LRRK2: variants seen among roughly 807,000 people sequenced by gnomAD.
The protein encoded by LRRK2 is leucine-rich repeat serine/threonine-protein kinase 2.
A neutral mutation model predicts 302.6 loss-of-function variants in LRRK2; 203 were observed. That is an observed-to-expected ratio of 0.67 (90% CI 0.60 to 0.75). The LOEUF (loss-of-function observed/expected upper bound fraction) is 0.75. Among genes scored for constraint, LRRK2 ranks in the 30% least tolerant of loss-of-function variants. LRRK2 has a pLI of 0.00. For synonymous variants in LRRK2, 1,066 were observed against 1,031.9 expected (o/e 1.03, Z -0.63); for missense variants, 2,830 against 2,951.0 (o/e 0.96, Z 0.95).
chr12:40,240,273 A>G (rs911655936), intron 5 of LRRK2, among the ~76,000 whole-genome samples: 2 of 152,194 alleles, frequency 1.3e-5, no homozygotes, highest in Non-Finnish European at 2.9e-5. Context: ...AGTACCTAAC[A>G]TAGGCCGAAA....
intron 27 of LRRK2, 36 bp downstream of exon 27, chr12:40,304,170 A>G (rs201932350): frequency 6.3e-7 from 1 of 1,585,930 alleles, no homozygotes; most frequent in Admixed American, 1.7e-5. Context: ...AATATACTTT[A>G]TGATTTGCAT....
At chr12:40,308,954 A>C in intron 29 of LRRK2, 152 bp from the exon 30 acceptor site, 3 of 983,278 alleles carry the variant, frequency 3.1e-6, no homozygotes, top group Non-Finnish European at 4.5e-6. Context: ...CCTAGTAAAA[A>C]CCCAGAATAG....
intron 7 of LRRK2, 100 bp downstream of exon 7, chr12:40,243,781 A>T (rs1334164034): frequency 1.8e-6 from 2 of 1,121,584 alleles, no homozygotes; most frequent in African/African-American, 3.2e-5. Flanking sequence ...GCATATTGAC[A>T]TACTTTGAAT....
At position 40,289,745 on chromosome 12, in the gene LRRK2, T is replaced by C. The variant is rs569523968; in HGVS notation, c.2689+2206T>C. 2.0e-5 allele frequency among the ~76,000 whole-genome samples: 3 copies of C among 151,882 alleles called. No homozygotes were observed. In the South Asian group the frequency reaches 6.2e-4, roughly 31 times the overall value. On this transcript the variant is annotated intron_variant, in intron 20 of 50. Transcript: ENST00000298910. ...CTAATTTCCAGTAGTTCACTGTTGA[T>C]ATATAGAAACATAATTCATTTATTT... is the stretch of plus-strand genomic sequence containing the variant.
chr12:40,266,351 A>G (rs985187891), intron 14 of LRRK2, among the ~76,000 whole-genome samples: 20 of 152,272 alleles, frequency 1.3e-4, no homozygotes, highest in Non-Finnish European at 2.1e-4. Flanking sequence ...GGATATGAGC[A>G]GACACTTCTC....
Position 40,225,207 on chromosome 12 carries a change from G to A in LRRK2, c.76G>A (p.Val26Ile), listed in dbSNP as rs752119684. The A allele has an allele frequency of 2.5e-6, 4 of 1,614,104 alleles. No homozygotes were observed. The highest frequency in any genetic ancestry group is 1.3e-5 in the African/African-American group (1 of 74,948). Residue 26 changes from valine to isoleucine, a missense_variant, in exon 1 of 51, where the codon GTC (valine) becomes ATC (isoleucine). Val to Ile is a conservative substitution (Grantham distance 29, BLOSUM62 3). Transcript: ENST00000298910. ...GAAGTTGATAGTCAGGCTGAACAAT[G>A]TCCAGGAAGGAAAACAGATAGAAAC... ...LKKLIVRLNN[V>I]QEGKQIETLV... is the part of the protein sequence containing the mutation.
chr12:40,252,921 A>C lies in LRRK2; in HGVS notation c.1193A>C (p.His398Pro), dbSNP rs1483728068. ...TGAATTTTTGAAAGTTTCCCAGCTC[A>C]TAGGGAAGTGATGCTCTCCATGCTG... ...IGDEDGHFPA[H>P]REVMLSMLMH... The change falls in exon 11 of 51, where the codon CAT becomes CCT. Residue 398 changes from histidine (H) to proline (P), a missense_variant. By Grantham distance (77) the His-to-Pro change is moderately conservative (BLOSUM62 -2). Coordinates refer to ENST00000298910, the MANE Select transcript of LRRK2 (RefSeq NM_198578.4). 4 of 1,612,670 alleles carry C rather than the reference A, an allele frequency of 2.5e-6. No homozygotes were observed. Among genetic ancestry groups the C allele is most frequent in the Non-Finnish European group, 3.4e-6 (4 of 1,178,996 alleles).
chr12:40,247,490 GTA>G (rs1178763733), intron 7 of LRRK2, among the ~76,000 whole-genome samples: 2 of 141,250 alleles, frequency 1.4e-5, no homozygotes, highest in Non-Finnish European at 1.5e-5. Context: ...ATATAAATGT[GTA>G]TATATATTTA....
chr12:40,232,132 A>T (rs1592135404), intron 2 of LRRK2, 142 bp from the exon 3 acceptor site: 2 of 689,234 alleles, frequency 2.9e-6, no homozygotes, highest in Middle Eastern at 3.6e-4. Context: ...TAAGCATTTT[A>T]GGGTATCATT....
intron 3 of LRRK2, among the ~76,000 whole-genome samples, chr12:40,233,859 G>A (rs1941314042): frequency 1.3e-5 from 2 of 152,154 alleles, no homozygotes; most frequent in Non-Finnish European, 2.9e-5. Flanking sequence ...TGTTCATCCA[G>A]TCATTCATCT....
chr12:40,358,092 CTT>C (rs76454537), intron 46 of LRRK2, among the ~76,000 whole-genome samples: 1 of 145,948 alleles, frequency 6.9e-6, no homozygotes. Flanking sequence ...AAATGGAGTT[CTT>C]TTTTTTTTTT....
intron 24 of LRRK2, 104 bp downstream of exon 24, chr12:40,298,597 C>A: frequency 1.4e-6 from 2 of 1,423,808 alleles, no homozygotes; most frequent in African/African-American, 1.4e-5. Context: ...CATGGTGAAA[C>A]TCCATCTCTA....
Position 40,321,326 on chromosome 12 carries a change from A to C in LRRK2, c.5170+138A>C, listed in dbSNP as rs113346254. 79 of 838,930 alleles carry C rather than the reference A, an allele frequency of 9.4e-5. No individual in the cohort carries two copies. In the African/African-American group the frequency reaches 1.2e-3, roughly 12 times the overall value. The allele number at this position is 838,930 out of a possible 1,614,324, so 52.0% of individuals were successfully genotyped here. On this transcript the variant is annotated intron_variant, in intron 35 of 50. Coordinates refer to ENST00000298910, the MANE Select transcript of LRRK2 (RefSeq NM_198578.4). ...AGTTTACTTGTTTGGAAGGCAGCTG[A>C]AGAATTAGAAAATAAGCTCATAAAA... is the stretch of plus-strand genomic sequence containing the variant.
intron 6 of LRRK2, among the ~76,000 whole-genome samples, chr12:40,241,648 G>A (rs1257508434): frequency 2.0e-5 from 3 of 152,156 alleles, no homozygotes; most frequent in African/African-American, 7.2e-5. Flanking sequence ...TATGTAATAA[G>A]TGTTCTAAAA....
intron 35 of LRRK2, 130 bp from the exon 36 acceptor site, chr12:40,321,905 C>T: frequency 3.6e-6 from 3 of 826,872 alleles, no homozygotes; most frequent in Non-Finnish European, 5.9e-6. Context: ...GATGAGGACT[C>T]ATATCAGTAA....
chr12:40,340,521 T>G, intron 41 of LRRK2, 67 bp downstream of exon 41: 1 of 1,517,142 alleles, frequency 6.6e-7, no homozygotes, highest in Non-Finnish European at 9.2e-7. Flanking sequence ...CAGATGTGAG[T>G]TCAGAAGAGT....
intron 7 of LRRK2, 53 bp from the exon 8 acceptor site, chr12:40,249,773 G>A: frequency 6.3e-7 from 1 of 1,586,728 alleles, no homozygotes; most frequent in Non-Finnish European, 8.6e-7. Context: ...TATGTTAAAG[G>A]TAATTTAACT....
chr12:40,319,972 G>T lies in LRRK2; in HGVS notation c.4828-16G>T. The T allele has an allele frequency of 1.2e-6, 2 of 1,600,240 alleles. No homozygotes were observed. Among genetic ancestry groups the T allele is most frequent in the South Asian group, 1.1e-5 (1 of 88,576 alleles). On this transcript the variant is annotated splice_polypyrimidine_tract_variant and intron_variant, in intron 33 of 50. Coordinates refer to ENST00000298910, the MANE Select transcript of LRRK2 (RefSeq NM_198578.4). ...AAAATAAATTTTAGTGATTATTTATGACTCGAATCTTTCAGATTTTGACAG... is the reference window on the plus strand; with the variant it reads ...AAAATAAATTTTAGTGATTATTTATTACTCGAATCTTTCAGATTTTGACAG...
chr12:40,247,455 A>T (rs1942034326), intron 7 of LRRK2, among the ~76,000 whole-genome samples: 1 of 148,728 alleles, frequency 6.7e-6, no homozygotes, highest in Non-Finnish European at 1.5e-5. Context: ...ATATAAAAAT[A>T]TGTATATAAA....
Sources: allele counts gnomAD v4.1 joint callset (sites outside exome capture counted in the v4.1 genomes callset), GRCh38; gene constraint gnomAD v4.1.1; transcripts MANE v1.5; gene names NCBI Gene and HGNC (gene_info 2026-07-23, HGNC 2026-07-21).